The following HEPACAM2 variants were observed in gnomAD, a reference collection of about 807,000 sequenced individuals.
The protein encoded by HEPACAM2 is HEPACAM family member 2.
A neutral mutation model predicts 49.6 loss-of-function variants in HEPACAM2; 49 were observed. That is an observed-to-expected ratio of 0.99 (90% CI 0.78 to 1.25). The LOEUF is 1.25. HEPACAM2 is among the 50% of genes most tolerant of loss of function. The pLI, the probability that HEPACAM2 is intolerant of heterozygous loss-of-function variation, is 0.00. For missense variants in HEPACAM2, 525 were observed against 557.2 expected (o/e 0.94, Z 0.58); for synonymous variants, 197 against 202.9 (o/e 0.97, Z 0.25).
At chr7:93,218,951 A>G in intron 2 of HEPACAM2, 150 bp downstream of exon 2, 2 of 634,120 alleles carry the variant, frequency 3.2e-6, no homozygotes, top group Non-Finnish European at 5.5e-6. Context: ...AGATAATGTC[A>G]TTAGTGCCAT....
intron 2 of HEPACAM2, among the ~76,000 whole-genome samples, chr7:93,218,556 G>A (rs1794368122): frequency 6.6e-6 from 1 of 151,816 alleles, no homozygotes; most frequent in Admixed American, 6.5e-5. Context: ...AAAATCAGAA[G>A]TTGGGCTTGG....
intron 4 of HEPACAM2, among the ~76,000 whole-genome samples, chr7:93,198,201 A>T (rs1793786165): frequency 6.6e-6 from 1 of 152,108 alleles, no homozygotes; most frequent in Non-Finnish European, 1.5e-5. Context: ...TTAAAGTCCC[A>T]CCTTTTGACT....
chr7:93,195,020 T>C (rs1037164268), intron 8 of HEPACAM2, among the ~76,000 whole-genome samples: 3 of 147,022 alleles, frequency 2.0e-5, no homozygotes, highest in African/African-American at 7.7e-5. Flanking sequence ...GATGTATACT[T>C]GCATACTTTG....
intron 2 of HEPACAM2, among the ~76,000 whole-genome samples, chr7:93,218,143 G>T (rs1794356995): frequency 6.6e-6 from 1 of 152,076 alleles, no homozygotes; most frequent in East Asian, 1.9e-4. Flanking sequence ...TGAGTGAGGG[G>T]GATGCAGATA....
In HEPACAM2 at chr7:93,216,055, TC is replaced by T. The variant is rs1364987279; in HGVS notation, c.431-371del. On this transcript the variant is annotated intron_variant, in intron 2 of 9. Transcript: ENST00000394468. The stretch of plus-strand genomic sequence containing the variant: ...TCACAGGCAAAATTTTTATGGTTAT[TC>T]CCCTCTATTGATTTGTCCTAATGTC... Among the ~76,000 whole-genome samples the T allele has an allele frequency of 2.1e-4, 32 of 152,264 alleles. 1 individual carries two copies. Among genetic ancestry groups the T allele is most frequent in the Admixed American group, 1.9e-3 (29 of 15,288 alleles).
chr7:93,227,426 C>T (rs923868484), upstream of HEPACAM2, among the ~76,000 whole-genome samples: 2 of 152,062 alleles, frequency 1.3e-5, no homozygotes, highest in African/African-American at 4.8e-5. Flanking sequence ...TCAGTTTTAA[C>T]AGTAAAGGCC....
At position 93,193,420 on chromosome 7, in the gene HEPACAM2, T is replaced by C. The variant is rs140077611; in HGVS notation, c.1276-1057A>G. Among the ~76,000 whole-genome samples the C allele has an allele frequency of 2.4e-3, 365 of 152,246 alleles. 1 individual carries two copies. Among genetic ancestry groups the C allele is most frequent in the Non-Finnish European group, 3.9e-3 (264 of 67,994 alleles). ...TATTCAGGAGCTACGGTAAAAGCAA[T>C]CTATTGATGATCACTAACTTACCTA... On this transcript the variant is annotated intron_variant, in intron 8 of 9. Transcript: ENST00000394468.
rs775904906 is a variant in HEPACAM2, at chr7:93,219,329, A to C, written c.202T>G (p.Trp68Gly). 14 of 1,614,002 alleles carry C rather than the reference A, an allele frequency of 8.7e-6. No homozygotes were observed. The highest frequency in any genetic ancestry group is 1.2e-5 in the Non-Finnish European group (14 of 1,179,954). The stretch of plus-strand genomic sequence containing the variant: ...ATTGTGTGGGGTCTCTCAAATAGCC[A>C]TATGATCTGGATGTCTGATGCTGGA... Reference protein sequence around the residue: ...HTPASDIQIIWLFERPHTMPK... With the variant: ...HTPASDIQIIGLFERPHTMPK... Residue 68 changes from tryptophan to glycine, a missense_variant, in exon 2 of 10, where the codon TGG becomes GGG. Trp to Gly is a radical substitution (Grantham distance 184). Coordinates refer to ENST00000394468, the MANE Select transcript of HEPACAM2 (RefSeq NM_001039372.4).
At chr7:93,197,175 T>A in intron 7 of HEPACAM2, 66 bp downstream of exon 7, 1 of 1,059,560 alleles carries the variant, frequency 9.4e-7, no homozygotes, top group Non-Finnish European at 1.3e-6. Context: ...TAATATATAA[T>A]AATATTAACA....
intron 4 of HEPACAM2, among the ~76,000 whole-genome samples, chr7:93,202,031 C>CAAAAAAAAAA (rs1793900818): frequency 2.2e-4 from 5 of 22,758 alleles, no homozygotes; most frequent in African/African-American, 4.1e-4. Flanking sequence ...AAAAAAAAAA[C>CAAAAAAAAAA]CAAAAAAAAA....
chr7:93,190,716 T>C (rs1793521605), intron 9 of HEPACAM2, among the ~76,000 whole-genome samples: 1 of 152,050 alleles, frequency 6.6e-6, no homozygotes. Flanking sequence ...TTTATATTCT[T>C]AAGAAAGTCA....
chr7:93,213,162 C>T (rs1190129584), intron 3 of HEPACAM2, among the ~76,000 whole-genome samples: 2 of 151,938 alleles, frequency 1.3e-5, no homozygotes, highest in East Asian at 1.9e-4. Flanking sequence ...TCACTTAGAG[C>T]TCTCCACTGC....
intron 8 of HEPACAM2, 75 bp downstream of exon 8, chr7:93,195,753 T>C (rs922322851): frequency 7.7e-6 from 9 of 1,172,412 alleles, no homozygotes; most frequent in Non-Finnish European, 1.1e-5. Flanking sequence ...TGCCCAGTGC[T>C]TAAACAAATG....
rs137979275 is a variant in HEPACAM2, at chr7:93,215,569, G to C, written c.547C>G (p.Leu183Val). 485 of 1,613,622 alleles carry C rather than the reference G, an allele frequency of 3.0e-4. No homozygotes were observed. The highest frequency in any genetic ancestry group is 4.0e-4 in the Non-Finnish European group (469 of 1,179,820). Reference sequence around the variant, plus strand: ...GTGTGGACAGGTCTCCCATTTTTTAGCCATTGGTAAGCTAGCCGAGTGCCC... The same window carrying C: ...GTGTGGACAGGTCTCCCATTTTTTACCCATTGGTAAGCTAGCCGAGTGCCC... ...EGGTRLAYQW[L>V]KNGRPVHTSS... Residue 183 changes from leucine (L) to valine (V), a missense_variant, in exon 3 of 10, where the codon CTA (leucine) becomes GTA (valine). Coordinates refer to ENST00000394468, the MANE Select transcript of HEPACAM2 (RefSeq NM_001039372.4).
chr7:93,197,632 T>C (rs1379095891), intron 4 of HEPACAM2, 22 bp from the exon 5 acceptor site: 2 of 1,536,032 alleles, frequency 1.3e-6, no homozygotes, highest in Admixed American at 4.3e-5. Flanking sequence ...GATAAACATA[T>C]TTTTAGCAAT....
At chr7:93,200,589 CTG>C (rs1418971005) in intron 4 of HEPACAM2, among the ~76,000 whole-genome samples, 1 of 152,006 alleles carries the variant, frequency 6.6e-6, no homozygotes, top group Non-Finnish European at 1.5e-5. Context: ...TTTGGTGAAT[CTG>C]TGAATGATGG....
chr7:93,224,479 A>C (rs539547708), intron 1 of HEPACAM2, among the ~76,000 whole-genome samples: 4 of 152,290 alleles, frequency 2.6e-5, no homozygotes, highest in African/African-American at 9.6e-5. Context: ...GGCATTACAC[A>C]AATCTGGAGA....
chr7:93,197,215 A>C, intron 7 of HEPACAM2, 26 bp downstream of exon 7: 1 of 1,591,024 alleles, frequency 6.3e-7, no homozygotes, highest in Non-Finnish European at 8.6e-7. Flanking sequence ...AAAACTGATA[A>C]TAGCCCTTTT....
rs2116612796 is a variant in HEPACAM2 at position 93,188,989 on chromosome 7, C to T, written c.*278G>A. ...TTTCATACAAAACTTATGAGGAAAC[C>T]CCTGTCACTTTCGTTCTCCCCGTCA... On this transcript the variant is annotated 3_prime_UTR_variant, in exon 10 of 10. Transcript: ENST00000394468. 2.2e-6 allele frequency: 1 copy of T among 453,294 alleles called. No homozygotes were observed. The highest frequency in any genetic ancestry group is 3.9e-6 in the Non-Finnish European group (1 of 257,174). The allele number at this position is 453,294 out of a possible 1,614,324, so 28.1% of individuals were successfully genotyped here.
Sources: allele counts gnomAD v4.1 joint callset (sites outside exome capture counted in the v4.1 genomes callset), GRCh38; gene constraint gnomAD v4.1.1; transcripts MANE v1.5; gene names NCBI Gene and HGNC (gene_info 2026-07-23, HGNC 2026-07-21).